The following SPIDR variants were observed in gnomAD, a reference collection of about 807,000 sequenced individuals.
The protein encoded by SPIDR is DNA repair-scaffolding protein.
Under a neutral mutation model 104.6 loss-of-function variants are expected in SPIDR, and 93 were observed. The ratio of observed to expected loss-of-function variants is 0.89; its 90% CI spans 0.75 to 1.06. The LOEUF (loss-of-function observed/expected upper bound fraction) is 1.06. Ranked by LOEUF, SPIDR falls within the 50% of genes least tolerant of loss-of-function variation. The pLI is 0.00. For synonymous variants in SPIDR, 431 were observed against 416.9 expected, an observed-to-expected ratio of 1.03 and a Z score of -0.41; for missense variants, 1,154 against 1,111.2, an observed-to-expected ratio of 1.04 and a Z score of -0.55.
chr8:47,486,627 G>A (rs1430995019), intron 8 of SPIDR, among the ~76,000 whole-genome samples: 2 of 152,232 alleles, frequency 1.3e-5, no homozygotes, highest in African/African-American at 4.8e-5. Context: ...ACAAAGGGAA[G>A]CCCATCAGAC....
intron 5 of SPIDR, among the ~76,000 whole-genome samples, chr8:47,367,956 T>G (rs1554635820): frequency 3.9e-5 from 6 of 152,190 alleles, no homozygotes; most frequent in Non-Finnish European, 2.9e-5. Flanking sequence ...CCACTGGGGC[T>G]GCTGTACCAA....
At chr8:47,275,389 T>G (rs1357127370) in intron 1 of SPIDR, among the ~76,000 whole-genome samples, 15 of 152,324 alleles carry the variant, frequency 9.8e-5, no homozygotes, top group African/African-American at 3.4e-4. Context: ...CTTATATATA[T>G]TTAAAAATTT....
intron 10 of SPIDR, among the ~76,000 whole-genome samples, chr8:47,661,804 T>C (rs188838814): frequency 7.2e-4 from 109 of 152,364 alleles, no homozygotes; most frequent in African/African-American, 2.4e-3. Context: ...AATATCCACT[T>C]GTCTTATAAA....
At chr8:47,426,344 G>C (rs1554684802) in intron 7 of SPIDR, among the ~76,000 whole-genome samples, 1 of 151,588 alleles carries the variant, frequency 6.6e-6, no homozygotes, top group Non-Finnish European at 1.5e-5. Flanking sequence ...CAGCAATATT[G>C]TAAATTGATG....
intron 3 of SPIDR, 76 bp downstream of exon 3, chr8:47,284,170 C>A: frequency 7.7e-7 from 1 of 1,297,448 alleles, no homozygotes; most frequent in South Asian, 1.3e-5. Flanking sequence ...TAAAAATTTG[C>A]TGTTTTAAAA....
intron 6 of SPIDR, among the ~76,000 whole-genome samples, chr8:47,403,045 C>G (rs2062134482): frequency 1.3e-5 from 2 of 152,180 alleles, no homozygotes; most frequent in South Asian, 4.1e-4. Context: ...AAGGGTGGTT[C>G]AGCATACGCA....
intron 8 of SPIDR, among the ~76,000 whole-genome samples, chr8:47,497,082 A>T (rs1271496860): frequency 2.0e-5 from 3 of 151,806 alleles, no homozygotes; most frequent in African/African-American, 7.3e-5. Flanking sequence ...TGATTTTCAC[A>T]ATTTGAGCCT....
chr8:47,461,406 G>T (rs1554713388), intron 8 of SPIDR, among the ~76,000 whole-genome samples: 1 of 152,086 alleles, frequency 6.6e-6, no homozygotes, highest in African/African-American at 2.4e-5. Flanking sequence ...CTCACTCCCG[G>T]ATTCAAGCGA....
At chr8:47,477,206 T>TA (rs1262846628) in intron 8 of SPIDR, among the ~76,000 whole-genome samples, 5 of 118,750 alleles carry the variant, frequency 4.2e-5, no homozygotes, top group African/African-American at 8.0e-5. Context: ...GCGCAATATA[T>TA]TTTTTTTTTT....
chr8:47,446,939 A>G (rs1302030868), intron 8 of SPIDR, among the ~76,000 whole-genome samples: 2 of 152,162 alleles, frequency 1.3e-5, no homozygotes, highest in Non-Finnish European at 2.9e-5. Context: ...AGGACTCACC[A>G]TTCTACCTCC....
intron 6 of SPIDR, 88 bp downstream of exon 6, chr8:47,396,714 T>C (rs2061290751): frequency 1.5e-6 from 2 of 1,339,870 alleles, no homozygotes; most frequent in South Asian, 2.9e-5. Context: ...TTAAGATACT[T>C]GTATATGAAG....
chr8:47,674,494 G>C (rs1245270297), intron 11 of SPIDR, among the ~76,000 whole-genome samples: 1 of 151,338 alleles, frequency 6.6e-6, no homozygotes, highest in African/African-American at 2.4e-5. Flanking sequence ...TCTAATCTAT[G>C]AATTAGGGGG....
At chr8:47,632,709 T>G (rs937390349) in intron 10 of SPIDR, among the ~76,000 whole-genome samples, 3 of 152,220 alleles carry the variant, frequency 2.0e-5, no homozygotes, top group Admixed American at 1.3e-4. Context: ...AGATCCCAAG[T>G]GCCTGTTTTT....
At chr8:47,519,488 TGGCTTTGG>T (rs1227374672) in intron 8 of SPIDR, among the ~76,000 whole-genome samples, 1 of 152,200 alleles carries the variant, frequency 6.6e-6, no homozygotes, top group Non-Finnish European at 1.5e-5. Flanking sequence ...TTTTAAAAGA[TGGCTTTGG>T]TCAAGCGCAG....
intron 5 of SPIDR, among the ~76,000 whole-genome samples, chr8:47,317,148 G>T (rs1432255594): frequency 6.6e-6 from 1 of 152,152 alleles, no homozygotes; most frequent in African/African-American, 2.4e-5. Flanking sequence ...CCGAAGCAGG[G>T]CGAGGCATCA....
Position 47,717,091 on chromosome 8 carries a change from C to T in SPIDR, c.2341+3450C>T, listed in dbSNP as rs1012053361. Among the ~76,000 whole-genome samples, 9 of 152,110 alleles carry T rather than the reference C, an allele frequency of 5.9e-5. No homozygotes were observed. In the South Asian group the frequency reaches 8.3e-4, roughly 14 times the overall value. On this transcript the variant is annotated intron_variant, in intron 16 of 19. Coordinates refer to ENST00000297423, the MANE Select transcript of SPIDR (RefSeq NM_001080394.4). ...AGCAGCACTGTGTCCCTGAGCAGAC[C>T]GGCTACAGGGACAGGGCATATGGTG...
intron 16 of SPIDR, among the ~76,000 whole-genome samples, chr8:47,716,179 T>C (rs965593433): frequency 3.9e-5 from 6 of 151,984 alleles, no homozygotes; most frequent in African/African-American, 1.2e-4. Context: ...AGGCTGGTCT[T>C]GAACTCCTGA....
At position 47,464,133 on chromosome 8, in the gene SPIDR, C is replaced by T. The variant is rs955761592; in HGVS notation, c.1097+23591C>T. ...GATTATACACACACACACACACACA[C>T]ACACACACACACACACACACACAGA... On this transcript the variant is annotated intron_variant, in intron 8 of 19. Coordinates refer to ENST00000297423, the MANE Select transcript of SPIDR (RefSeq NM_001080394.4). 2.9e-3 allele frequency among the ~76,000 whole-genome samples: 429 copies of T among 147,868 alleles called. 8 individuals are homozygous for T. The highest frequency in any genetic ancestry group is 0.025 in the Admixed American group (379 of 15,048).
chr8:47,441,876 G>C (rs2069514949), intron 8 of SPIDR, among the ~76,000 whole-genome samples: 1 of 152,144 alleles, frequency 6.6e-6, no homozygotes, highest in Non-Finnish European at 1.5e-5. Context: ...TGGCCACGAG[G>C]AGTCCCAACA....
Sources: allele counts gnomAD v4.1 joint callset (sites outside exome capture counted in the v4.1 genomes callset), GRCh38; gene constraint gnomAD v4.1.1; transcripts MANE v1.5; gene names NCBI Gene and HGNC (gene_info 2026-07-23, HGNC 2026-07-21).